USP44: variants seen among roughly 807,000 people sequenced by gnomAD.
USP44 encodes ubiquitin specific peptidase 44.
A neutral mutation model predicts 69.0 loss-of-function variants in USP44; 61 were observed. That is an observed-to-expected ratio of 0.88 (90% confidence interval 0.72 to 1.09). The LOEUF (loss-of-function observed/expected upper bound fraction) is 1.09. Among genes scored for constraint, USP44 ranks in the 50% least tolerant of loss-of-function variants. The probability of loss-of-function intolerance (pLI) is 0.00; values close to 1 mark genes in which losing one functional copy is unlikely to be tolerated. For synonymous variants in USP44, 297 were observed against 295.4 expected (o/e 1.01, Z -0.06); for missense variants, 753 against 849.9 (o/e 0.89, Z 1.42).
rs945276262 is a variant in USP44 at position 95,551,302 on chromosome 12, A to C, written c.-101T>G. The C allele has an allele frequency of 6.6e-6, 1 of 152,330 alleles. No homozygotes were observed. The highest frequency in any genetic ancestry group is 6.6e-5 in the Admixed American group (1 of 15,264). 9.4% of individuals were successfully genotyped at this position (152,330 alleles called of 1,614,324 possible). On this transcript the variant is annotated 5_prime_UTR_variant, in exon 1 of 6. Transcript: ENST00000258499. ...AAAACCTCAAAATCAGTCTTTCCCCAGGTCGGCCTTTGGATAACTCAGAGG... is the reference window on the plus strand; with the variant it reads ...AAAACCTCAAAATCAGTCTTTCCCCCGGTCGGCCTTTGGATAACTCAGAGG...
intron 3 of USP44, among the ~76,000 whole-genome samples, chr12:95,528,327 G>A (rs1239186964): frequency 6.6e-6 from 1 of 152,206 alleles, no homozygotes; most frequent in Non-Finnish European, 1.5e-5. Context: ...AAGAGACAGT[G>A]CATGGTTTTG....
chr12:95,534,332 CA>C lies in USP44; in HGVS notation c.-70-7del, dbSNP rs2077129132. The C allele has an allele frequency of 7.5e-7, 1 of 1,330,894 alleles. No individual in the cohort carries two copies. Among genetic ancestry groups the C allele is most frequent in the African/African-American group, 1.5e-5 (1 of 68,212 alleles). The allele number at this position is 1,330,894 out of a possible 1,614,324, so 82.4% of individuals were successfully genotyped here. On this transcript the variant is annotated splice_region_variant and splice_polypyrimidine_tract_variant and intron_variant, in intron 1 of 5. Transcript: ENST00000258499. ...ACACTTGAAGCATCTGAAAACTAAA[CA>C]GAACAATGTCAAGTGTTAATAACAA...
intron 1 of USP44, among the ~76,000 whole-genome samples, chr12:95,543,423 A>G (rs539191686): frequency 1.0e-3 from 154 of 150,394 alleles, no homozygotes; most frequent in African/African-American, 2.1e-3. Flanking sequence ...AAAAAAAAAA[A>G]AAAAAGAAAA....
intron 1 of USP44, among the ~76,000 whole-genome samples, chr12:95,540,954 CCT>C (rs2077367350): frequency 3.3e-5 from 5 of 152,154 alleles, no homozygotes; most frequent in African/African-American, 4.8e-5. Flanking sequence ...AAAAATTCCC[CCT>C]GATCTCACCA....
intron 1 of USP44, among the ~76,000 whole-genome samples, chr12:95,542,914 C>G (rs2077437057): frequency 6.7e-6 from 1 of 149,130 alleles, no homozygotes; most frequent in Non-Finnish European, 1.5e-5. Flanking sequence ...TGGTGAAACC[C>G]GTCTCTACTA....
chr12:95,540,957 G>T (rs758283977), intron 1 of USP44, among the ~76,000 whole-genome samples: 1 of 152,080 alleles, frequency 6.6e-6, no homozygotes, highest in Non-Finnish European at 1.5e-5. Context: ...AATTCCCCCT[G>T]ATCTCACCAT....
chr12:95,533,657 T>A lies in USP44; in HGVS notation c.600A>T (p.Gln200His). 6.2e-7 allele frequency: 1 copy of A among 1,613,968 alleles called. No individual in the cohort carries two copies. The highest frequency in any genetic ancestry group is 8.5e-7 in the Non-Finnish European group (1 of 1,180,050). Residue 200 changes from glutamine (Q) to histidine (H), a missense_variant, in exon 2 of 6, where the codon CAA becomes CAT. Physicochemically the swap from Gln to His is conservative, Grantham distance 24 (BLOSUM62 0). Coordinates refer to ENST00000258499, the MANE Select transcript of USP44 (RefSeq NM_032147.5). ...GCATACTTTCCAATTCTGCTTTAAC[T>A]TGATACTCCAATTCCTGCCGTCTTT... ...VKKRRQELEY[Q>H]VKAELESMPP...
Position 95,533,020 on chromosome 12 carries a change from T to C in USP44, c.1237A>G (p.Ile413Val), listed in dbSNP as rs770826933. The C allele has an allele frequency of 8.1e-6, 13 of 1,614,068 alleles. No individual in the cohort carries two copies. Among genetic ancestry groups the C allele is most frequent in the Non-Finnish European group, 9.3e-6 (11 of 1,180,030 alleles). Reference sequence around the variant, plus strand: ...TGGGCGTAACCACGAAAGGCAGGAATGAGTCTCCACACTGAGTGTAGCATA... The same window carrying C: ...TGGGCGTAACCACGAAAGGCAGGAACGAGTCTCCACACTGAGTGTAGCATA... ...FAMLHSVWRL[I>V]PAFRGYAQQD... Residue 413 changes from isoleucine (I) to valine (V), a missense_variant, in exon 2 of 6, where the codon ATT (isoleucine) becomes GTT (valine). Coordinates refer to ENST00000258499, the MANE Select transcript of USP44 (RefSeq NM_032147.5).
At chr12:95,532,741 C>T (rs1013576211) in intron 2 of USP44, 88 bp downstream of exon 2, 13 of 1,135,832 alleles carry the variant, frequency 1.1e-5, no homozygotes, top group African/African-American at 1.6e-5. Context: ...ACTAGCTCAA[C>T]ACACTAGATG....
rs555924099 is a variant in USP44, at chr12:95,533,662, A to G, written c.595T>C (p.Tyr199His). 2 of 1,613,366 alleles carry G rather than the reference A, an allele frequency of 1.2e-6. No individual in the cohort carries two copies. The highest frequency in any genetic ancestry group is 1.7e-6 in the Non-Finnish European group (2 of 1,179,882). The change falls in exon 2 of 6, where the codon TAT becomes CAT. Residue 199 changes from tyrosine to histidine, a missense_variant. Transcript: ENST00000258499. ...CTTTCCAATTCTGCTTTAACTTGAT[A>G]CTCCAATTCCTGCCGTCTTTTCTTT... is the stretch of plus-strand genomic sequence containing the variant. Reference protein sequence around the residue: ...EVKKRRQELEYQVKAELESMP... With the variant: ...EVKKRRQELEHQVKAELESMP...
chr12:95,538,171 G>C (rs933087686), intron 1 of USP44, among the ~76,000 whole-genome samples: 2 of 152,122 alleles, frequency 1.3e-5, no homozygotes, highest in African/African-American at 4.8e-5. Flanking sequence ...GCACACACTG[G>C]AATCTAAATC....
chr12:95,525,872 T>A (rs1297777114), intron 3 of USP44, among the ~76,000 whole-genome samples: 1 of 152,140 alleles, frequency 6.6e-6, no homozygotes, highest in Non-Finnish European at 1.5e-5. Context: ...CAGCTGCTTC[T>A]CATGTGGGAA....
chr12:95,533,167 T>A lies in USP44; in HGVS notation c.1090A>T (p.Arg364Ter). The change falls in exon 2 of 6, where the codon AGA (arginine) becomes TGA (stop). Residue 364 changes from arginine (R) to a stop codon, truncating the protein, a stop_gained. Coordinates refer to ENST00000258499, the MANE Select transcript of USP44 (RefSeq NM_032147.5). LOFTEE classifies it high-confidence loss of function. ...TTTGGCTGAATAAGTTCCATCTTTCTACCTTTTGATGCTCCACCACTTAGT... is the reference window on the plus strand; with the variant it reads ...TTTGGCTGAATAAGTTCCATCTTTCAACCTTTTGATGCTCCACCACTTAGT... ...SGLSGGASKG[R>*]KMELIQPKEP... 6.2e-7 allele frequency: 1 copy of A among 1,614,240 alleles called. No individual in the cohort carries two copies. Among genetic ancestry groups the A allele is most frequent in the Non-Finnish European group, 8.5e-7 (1 of 1,180,048 alleles).
chr12:95,541,279 A>T (rs1382304575), intron 1 of USP44, among the ~76,000 whole-genome samples: 1 of 152,142 alleles, frequency 6.6e-6, no homozygotes, highest in Non-Finnish European at 1.5e-5. Flanking sequence ...CTGTTTCAAA[A>T]AATAATAATA....
chr12:95,533,317 C>T lies in USP44; in HGVS notation c.940G>A (p.Ala314Thr). The change falls in exon 2 of 6, where the codon GCT becomes ACT. Residue 314 changes from alanine to threonine, a missense_variant. Physicochemically the swap from Ala to Thr is moderately conservative, Grantham distance 58. Transcript: ENST00000258499. ...LDLNQWLAMT[A>T]SEKTRSCKHP... ...TTACAAGATCTTGTCTTCTCGCTAGCAGTCATAGCCAGCCATTGGTTCAGA... is the reference window on the plus strand; with the variant it reads ...TTACAAGATCTTGTCTTCTCGCTAGTAGTCATAGCCAGCCATTGGTTCAGA... 1.2e-6 allele frequency: 2 copies of T among 1,614,078 alleles called. No homozygotes were observed. The highest frequency in any genetic ancestry group is 1.7e-6 in the Non-Finnish European group (2 of 1,180,036).
At chr12:95,534,541 G>A (rs980226829) in intron 1 of USP44, among the ~76,000 whole-genome samples, 1 of 151,972 alleles carries the variant, frequency 6.6e-6, no homozygotes, top group Admixed American at 6.6e-5. Flanking sequence ...CTAATGAGGC[G>A]CCTTTAGCTT....
At chr12:95,540,181 T>C (rs2077342482) in intron 1 of USP44, among the ~76,000 whole-genome samples, 1 of 152,214 alleles carries the variant, frequency 6.6e-6, no homozygotes, top group South Asian at 2.1e-4. Flanking sequence ...CTAACCTTTC[T>C]GAACCAGTCT....
chr12:95,524,261 T>C (rs2140234561), intron 4 of USP44, among the ~76,000 whole-genome samples: 1 of 151,782 alleles, frequency 6.6e-6, no homozygotes, highest in East Asian at 2.0e-4. Flanking sequence ...TTTGTATTTT[T>C]AGTAGAGATG....
At chr12:95,521,987 A>G (rs11108087) in intron 4 of USP44, 61,449 of 956,804 alleles carry the variant, frequency 0.064, 2,160 homozygotes, top group Non-Finnish European at 0.07. Context: ...AGTCAGCACA[A>G]CCGCCCATTG....
Sources: allele counts gnomAD v4.1 joint callset (sites outside exome capture counted in the v4.1 genomes callset), GRCh38; gene constraint gnomAD v4.1.1; transcripts MANE v1.5; gene names NCBI Gene and HGNC (gene_info 2026-07-23, HGNC 2026-07-21).